Variants in ADCY3 observed in about 807,000 individuals in gnomAD.
ADCY3 encodes the protein adenylate cyclase type 3.
In ADCY3, 70 loss-of-function variants were observed where a neutral mutation model predicts 119.4. That is an observed-to-expected ratio of 0.59 (90% CI 0.48 to 0.72). The LOEUF is 0.72. ADCY3 is among the 30% of genes least tolerant of loss of function. The pLI, the probability that ADCY3 is intolerant of heterozygous loss-of-function variation, is 0.00. For synonymous variants in ADCY3, 672 were observed against 621.4 expected (o/e 1.08, Z -1.21); for missense variants, 1,238 against 1,541.6 (o/e 0.80, Z 3.30).
At position 24,819,892 on chromosome 2, in the gene ADCY3, T is replaced by G; in HGVS notation, c.*40A>C. The stretch of plus-strand genomic sequence containing the variant: ...ACTTCCTTCAGTTTCAAAAAATAAA[T>G]TCTCCCTTCCGGTTTGGACTGTTGC... On this transcript the variant is annotated 3_prime_UTR_variant, in exon 22 of 22. Transcript: ENST00000679454. The G allele has an allele frequency of 6.3e-7, 1 of 1,594,906 alleles. No individual in the cohort carries two copies. The highest frequency in any genetic ancestry group is 1.8e-5 in the Admixed American group (1 of 56,832).
rs1671087487 is a variant in ADCY3 at position 24,842,193 on chromosome 2, C to T, written c.956+61G>A. On this transcript the variant is annotated intron_variant, in intron 4 of 21. Transcript: ENST00000679454. This position sits in a 1 kb window ranked among gnomAD's most constrained non-coding sequence, Gnocchi z 4.9. Reference sequence around the variant, plus strand: ...AGCCCACAGCACCTAGCGGGTCCCACAAAGATGCAGCCCTCCACAGCCTGC... The same window carrying T: ...AGCCCACAGCACCTAGCGGGTCCCATAAAGATGCAGCCCTCCACAGCCTGC... 1 of 1,607,606 alleles carries T rather than the reference C, an allele frequency of 6.2e-7. No individual in the cohort carries two copies. Among genetic ancestry groups the T allele is most frequent in the East Asian group, 2.2e-5 (1 of 44,790 alleles).
At chr2:24,893,818 G>A (rs2148950064) in intron 2 of ADCY3, among the ~76,000 whole-genome samples, 1 of 152,194 alleles carries the variant, frequency 6.6e-6, no homozygotes, top group East Asian at 1.9e-4. Flanking sequence ...ATGTTGCCCA[G>A]GCTGGTCTTG....
Position 24,823,318 on chromosome 2 carries a change from A to G in ADCY3, c.2774T>C (p.Met925Thr). The G allele has an allele frequency of 6.2e-7, 1 of 1,613,874 alleles. No homozygotes were observed. Among genetic ancestry groups the G allele is most frequent in the Non-Finnish European group, 8.5e-7 (1 of 1,179,966 alleles). ...AGCAAAGTTGGGCAGGGAGGCAAAC[A>G]TGACTCCAATCTCATCATACGTCTG... ...YSQTYDEIGV[M>T]FASLPNFADF... is the part of the protein sequence containing the mutation. Residue 925 changes from methionine (M) to threonine (T), a missense_variant, in exon 18 of 22, where the codon ATG becomes ACG. Physicochemically the swap from Met to Thr is moderately conservative, Grantham distance 81. Around this residue, in one of 7 missense-constraint regions of ADCY3, gnomAD observed 499 missense variants for 571.0 expected, o/e 0.87. Transcript: ENST00000679454.
At chr2:24,861,330 G>T (rs1397194966) in intron 3 of ADCY3, among the ~76,000 whole-genome samples, 3 of 152,000 alleles carry the variant, frequency 2.0e-5, no homozygotes, top group Non-Finnish European at 4.4e-5. Flanking sequence ...AATTCTGGAA[G>T]GAGGCCCCTT....
rs373130464 is a variant in ADCY3 at position 24,820,716 on chromosome 2, G to A, written c.3252+8C>T. On this transcript the variant is annotated splice_region_variant and intron_variant, in intron 21 of 21. Coordinates refer to ENST00000679454, the MANE Select transcript of ADCY3 (RefSeq NM_004036.5). The stretch of plus-strand genomic sequence containing the variant: ...CTGAGCACGTGCCAGCTGTGCCACT[G>A]GACATACCTGAATGTTGCCCATGAC... 4.3e-6 allele frequency: 7 copies of A among 1,613,956 alleles called. No individual in the cohort carries two copies.
In ADCY3 at chr2:24,919,225, T is replaced by C. The variant is rs1664824208; in HGVS notation, c.-197-41A>G. ...CTGAGTAGAAGCACCTCTTCCCTCC[T>C]ACCTTGCGGTTTCCCCATGACCCGC... On this transcript the variant is annotated intron_variant, in intron 1 of 21. Coordinates refer to ENST00000679454, the MANE Select transcript of ADCY3 (RefSeq NM_004036.5). This position sits in a 1 kb window ranked among gnomAD's most constrained non-coding sequence, Gnocchi z 5.5. 1.9e-6 allele frequency: 1 copy of C among 530,408 alleles called. No homozygotes were observed. Among genetic ancestry groups the C allele is most frequent in the Non-Finnish European group, 3.4e-6 (1 of 295,446 alleles). The allele number at this position is 530,408 out of a possible 1,614,324, so 32.9% of individuals were successfully genotyped here. A position where few individuals can be genotyped will look rare whatever the true frequency, so the allele number is the denominator to read the frequency against.
At chr2:24,915,783 C>T (rs904392872) in intron 2 of ADCY3, among the ~76,000 whole-genome samples, 14 of 152,116 alleles carry the variant, frequency 9.2e-5, no homozygotes, top group East Asian at 3.9e-4. Context: ...TCAGGTGATC[C>T]GCCCGCCTCA....
intron 11 of ADCY3, among the ~76,000 whole-genome samples, 188 bp from the exon 12 acceptor site, chr2:24,831,937 A>AGGGGCCC (rs1669597631): frequency 1.1e-5 from 1 of 90,412 alleles, no homozygotes; most frequent in Non-Finnish European, 2.2e-5. Context: ...GACAGTGGCC[A>AGGGGCCC]GGGGACAGCA....
rs1265518102 is a variant in ADCY3 at position 24,918,134 on chromosome 2, C to G, written c.675+179G>C. Among the ~76,000 whole-genome samples the G allele has an allele frequency of 6.6e-6, 1 of 152,216 alleles. No individual in the cohort carries two copies. Among genetic ancestry groups the G allele is most frequent in the African/African-American group, 2.4e-5 (1 of 41,466 alleles). On this transcript the variant is annotated intron_variant, in intron 2 of 21. Transcript: ENST00000679454. The surrounding 1 kb of genome is among the most constrained non-coding windows in gnomAD (Gnocchi z 5.4). ...TCCTTTCCCTGGGGCCAAGCACAGG[C>G]AGACTCCGGGTAATGGCACAGGGGT...
chr2:24,830,724 T>C lies in ADCY3; in HGVS notation c.2157A>G (p.Ala719=). 6.2e-7 allele frequency: 1 copy of C among 1,613,906 alleles called. No homozygotes were observed. Residue 719 remains alanine, a synonymous_variant, in exon 13 of 22, where the codon GCA becomes GCG. Coordinates refer to ENST00000679454, the MANE Select transcript of ADCY3 (RefSeq NM_004036.5). ...AMLAIFILVM[A]NVVDMLSCLQ... is the part of the protein sequence containing the mutation. Reference sequence around the variant, plus strand: ...AGGAGCTCACCATGTCCACGACATTTGCCATCACCAGGATGAAGATGGCGA... The same window carrying C: ...AGGAGCTCACCATGTCCACGACATTCGCCATCACCAGGATGAAGATGGCGA...
intron 3 of ADCY3, among the ~76,000 whole-genome samples, chr2:24,843,695 T>G (rs918737365): frequency 2.6e-5 from 4 of 150,992 alleles, no homozygotes; most frequent in African/African-American, 9.8e-5. Context: ...GCGGCAGATA[T>G]GAGGGCAAAG....
At chr2:24,889,349 G>A (rs534885433) in intron 2 of ADCY3, among the ~76,000 whole-genome samples, 13 of 152,180 alleles carry the variant, frequency 8.5e-5, no homozygotes, top group South Asian at 2.1e-4. Context: ...GTTATTTTGC[G>A]CTTGTTTTGC....
intron 9 of ADCY3, among the ~76,000 whole-genome samples, chr2:24,836,518 C>T (rs1558428628): frequency 6.6e-6 from 1 of 152,234 alleles, no homozygotes; most frequent in Non-Finnish European, 1.5e-5. Flanking sequence ...AGGAAATATC[C>T]CATCTTGCAT....
intron 2 of ADCY3, among the ~76,000 whole-genome samples, chr2:24,884,235 G>C (rs964356910): frequency 2.0e-5 from 3 of 152,074 alleles, no homozygotes; most frequent in African/African-American, 4.8e-5. Context: ...TAAAATGGGA[G>C]ATTCCAGGGT....
intron 2 of ADCY3, among the ~76,000 whole-genome samples, chr2:24,893,326 A>C (rs185450152): frequency 1.3e-5 from 2 of 152,188 alleles, no homozygotes; most frequent in East Asian, 3.9e-4. Context: ...AGCCGAGATC[A>C]CGCTGCTGCA....
At chr2:24,865,068 G>A (rs992296036) in intron 3 of ADCY3, among the ~76,000 whole-genome samples, 9 of 152,232 alleles carry the variant, frequency 5.9e-5, no homozygotes, top group South Asian at 4.1e-4. Flanking sequence ...TATGGAGAGC[G>A]CAACAAAATA....
chr2:24,856,872 TCA>T (rs1673058987), intron 3 of ADCY3, among the ~76,000 whole-genome samples: 1 of 152,142 alleles, frequency 6.6e-6, no homozygotes, highest in Admixed American at 6.5e-5. Flanking sequence ...CAGGAGTGCT[TCA>T]CAGTCTTCAG....
chr2:24,875,141 ACTCC>A (rs1410011875), intron 2 of ADCY3, among the ~76,000 whole-genome samples: 10 of 128,750 alleles, frequency 7.8e-5, no homozygotes, highest in Non-Finnish European at 1.6e-4. Flanking sequence ...CTACCAGGGA[ACTCC>A]CTCCCTGCCT....
At chr2:24,846,870 T>C (rs978971732) in intron 3 of ADCY3, among the ~76,000 whole-genome samples, 1 of 152,232 alleles carries the variant, frequency 6.6e-6, no homozygotes, top group African/African-American at 2.4e-5. Context: ...TAAGCCATCA[T>C]GTCTGGCCGC....
Sources: gnomAD v4.1 joint callset for allele counts (sites outside exome capture counted in the v4.1 genomes callset) on GRCh38, gnomAD v4.1.1 for gene constraint, gnomAD v4.1.1 regional missense constraint, Gnocchi (gnomAD v3.1) non-coding constraint, MANE v1.5 for transcripts, NCBI Gene and HGNC (gene_info 2026-07-23, HGNC 2026-07-21) for gene names.